SRRM3: variants seen among roughly 807,000 people sequenced by gnomAD.
SRRM3 encodes serine/arginine repetitive matrix 3.
In SRRM3, 27 loss-of-function variants were observed where a neutral mutation model predicts 66.2. That is an observed-to-expected ratio of 0.41 (90% CI 0.30 to 0.56). The LOEUF (loss-of-function observed/expected upper bound fraction) is 0.56, where lower values mean the gene tolerates loss of function less well. SRRM3 is among the 20% of genes least tolerant of loss of function. The probability of loss-of-function intolerance (pLI) is 0.32; values close to 1 mark genes in which losing one functional copy is unlikely to be tolerated. For missense variants in SRRM3, 918 were observed against 991.9 expected, an observed-to-expected ratio of 0.93 and a Z score of 1.00; for synonymous variants, 391 against 414.9, an observed-to-expected ratio of 0.94 and a Z score of 0.70.
At chr7:76,251,532 G>A (rs1420104870) in intron 3 of SRRM3, among the ~76,000 whole-genome samples, 2 of 152,046 alleles carry the variant, frequency 1.3e-5, no homozygotes, top group Non-Finnish European at 2.9e-5. Flanking sequence ...ACGCTGCCAC[G>A]CCCGGCTAAT....
intron 1 of SRRM3, among the ~76,000 whole-genome samples, chr7:76,207,749 C>T (rs544100588): frequency 1.4e-4 from 21 of 151,400 alleles, no homozygotes; most frequent in African/African-American, 4.6e-4. Context: ...TGGTGGTGCA[C>T]GCATGTAGCC....
chr7:76,246,746 G>A (rs1217538973), intron 2 of SRRM3, among the ~76,000 whole-genome samples: 1 of 152,118 alleles, frequency 6.6e-6, no homozygotes, highest in African/African-American at 2.4e-5. Context: ...GAGGCCTCAA[G>A]TGTGACCACC....
rs1554612244 is a variant in SRRM3, at chr7:76,283,036, C to G, written c.1668C>G (p.Ser556Arg). Residue 556 changes from serine to arginine, a missense_variant, in exon 14 of 15, where the codon AGC becomes AGG. Coordinates refer to ENST00000611745, the MANE Select transcript of SRRM3 (RefSeq NM_001110199.3). The part of the protein sequence containing the change: ...EATRARRRSR[S>R]YSPIRKRRRD... Reference sequence around the variant, plus strand: ...CCCGCGCCCGGCGCCGCTCCCGCAGCTACTCGCCCATCCGCAAGCGGCGCC... The same window carrying G: ...CCCGCGCCCGGCGCCGCTCCCGCAGGTACTCGCCCATCCGCAAGCGGCGCC... 5 of 1,493,312 alleles carry G rather than the reference C, an allele frequency of 3.3e-6. No homozygotes were observed. The highest frequency in any genetic ancestry group is 4.4e-6 in the Non-Finnish European group (5 of 1,131,990). 92.5% of individuals were successfully genotyped at this position (1,493,312 alleles called of 1,614,324 possible).
chr7:76,240,995 C>G (rs1554605561), intron 2 of SRRM3, among the ~76,000 whole-genome samples: 1 of 152,088 alleles, frequency 6.6e-6, no homozygotes, highest in Non-Finnish European at 1.5e-5. Context: ...CTCCCAGGTT[C>G]AAGCGATTCG....
At chr7:76,203,111 C>T (rs1375621972) in intron 1 of SRRM3, among the ~76,000 whole-genome samples, 1 of 152,132 alleles carries the variant, frequency 6.6e-6, no homozygotes, top group Non-Finnish European at 1.5e-5. Context: ...AGGTCATGGC[C>T]CCAGTTTGTG....
chr7:76,212,986 C>T (rs1800471817), intron 1 of SRRM3, among the ~76,000 whole-genome samples: 1 of 150,686 alleles, frequency 6.6e-6, no homozygotes, highest in South Asian at 2.1e-4. Flanking sequence ...CTTCCCTGGC[C>T]CACTTTACAC....
intron 2 of SRRM3, among the ~76,000 whole-genome samples, chr7:76,244,523 C>CAAAA (rs10611441): frequency 8.9e-6 from 1 of 112,188 alleles, no homozygotes; most frequent in Non-Finnish European, 1.8e-5. Context: ...GACTCCATCT[C>CAAAA]AAAAAAAAAA....
intron 2 of SRRM3, among the ~76,000 whole-genome samples, chr7:76,242,552 C>T (rs782565916): frequency 3.3e-5 from 5 of 151,774 alleles, no homozygotes; most frequent in Non-Finnish European, 5.9e-5. Context: ...CAGGATGATT[C>T]AAGCACATTG....
At position 76,282,866 on chromosome 7, in the gene SRRM3, T is replaced by C; in HGVS notation, c.1589T>C (p.Leu530Pro). Reference protein sequence around the residue: ...PSRSPSPKKPLSRDKDGEGRA... With the variant: ...PSRSPSPKKPPSRDKDGEGRA... ...CGCTCGCCGTCGCCCAAGAAGCCCC[T>C]CAGCCGGTGAGTGCCCGCCCGGACC... is the stretch of plus-strand genomic sequence containing the variant. The change falls in exon 13 of 15, where the codon CTC becomes CCC. Residue 530 changes from leucine (L) to proline (P), a missense_variant. Physicochemically the swap from Leu to Pro is moderately conservative, Grantham distance 98. Coordinates refer to ENST00000611745, the MANE Select transcript of SRRM3 (RefSeq NM_001110199.3). The C allele has an allele frequency of 6.9e-7, 1 of 1,443,564 alleles. No individual in the cohort carries two copies. Among genetic ancestry groups the C allele is most frequent in the South Asian group, 1.3e-5 (1 of 74,178 alleles). The allele number at this position is 1,443,564 out of a possible 1,614,324, so 89.4% of individuals were successfully genotyped here. A position where few individuals can be genotyped will look rare whatever the true frequency, so the allele number is the denominator to read the frequency against.
chr7:76,285,577 C>T lies in SRRM3; in HGVS notation c.1734-38C>T, dbSNP rs1802641969. 1.3e-6 allele frequency: 2 copies of T among 1,516,416 alleles called. No individual in the cohort carries two copies. The highest frequency in any genetic ancestry group is 2.4e-5 in the South Asian group (2 of 81,748). The allele number at this position is 1,516,416 out of a possible 1,614,324, so 93.9% of individuals were successfully genotyped here. A position where few individuals can be genotyped will look rare whatever the true frequency, so the allele number is the denominator to read the frequency against. ...GCCGCTGCTGGGATGGGGCTCGGGG[C>T]CTGGGATGGCCTGTAATCAGCTTTT... On this transcript the variant is annotated intron_variant, in intron 14 of 14. Coordinates refer to ENST00000611745, the MANE Select transcript of SRRM3 (RefSeq NM_001110199.3). The surrounding 1 kb of genome is among the most constrained non-coding windows in gnomAD (Gnocchi z 4.1).
chr7:76,260,025 G>C lies in SRRM3; in HGVS notation c.455G>C (p.Arg152Pro). Reference protein sequence around the residue: ...DCPASCYRGHRGYRTKHWSSS... With the variant: ...DCPASCYRGHPGYRTKHWSSS... ...CCGGCCTCCTGCTACCGCGGCCACCGCGGGTACAGGTCAGCGGCCGCCGCG... is the reference window on the plus strand; with the variant it reads ...CCGGCCTCCTGCTACCGCGGCCACCCCGGGTACAGGTCAGCGGCCGCCGCG... Residue 152 changes from arginine to proline, a missense_variant, in exon 4 of 15, where the codon CGC becomes CCC. By Grantham distance (103) the Arg-to-Pro change is moderately radical. Coordinates refer to ENST00000611745, the MANE Select transcript of SRRM3 (RefSeq NM_001110199.3). 6.4e-7 allele frequency: 1 copy of C among 1,563,094 alleles called. No individual in the cohort carries two copies. The highest frequency in any genetic ancestry group is 8.6e-7 in the Non-Finnish European group (1 of 1,159,260).
chr7:76,264,820 G>A lies in SRRM3; in HGVS notation c.725+5G>A, dbSNP rs1554609253. Reference sequence around the variant, plus strand: ...GAAGAACAAAGAGAAGAAGAGGTAAGCGCCCTCCCTACTCTCCAGCCCCCC... The same window carrying A: ...GAAGAACAAAGAGAAGAAGAGGTAAACGCCCTCCCTACTCTCCAGCCCCCC... On this transcript the variant is annotated splice_donor_5th_base_variant and intron_variant, in intron 9 of 14. Coordinates refer to ENST00000611745, the MANE Select transcript of SRRM3 (RefSeq NM_001110199.3). The A allele has an allele frequency of 1.2e-6, 2 of 1,613,470 alleles. No homozygotes were observed. The highest frequency in any genetic ancestry group is 1.7e-6 in the Non-Finnish European group (2 of 1,179,804).
At chr7:76,248,835 C>T (rs1349022735) in intron 3 of SRRM3, among the ~76,000 whole-genome samples, 3 of 152,064 alleles carry the variant, frequency 2.0e-5, no homozygotes, top group African/African-American at 7.2e-5. Context: ...GAAAAGTTAT[C>T]CGGGCATAGT....
chr7:76,212,858 C>T (rs890045141), intron 1 of SRRM3, among the ~76,000 whole-genome samples: 4 of 152,050 alleles, frequency 2.6e-5, no homozygotes, highest in Non-Finnish European at 4.4e-5. Flanking sequence ...TGGTTCCCTT[C>T]GCCTGGAATG....
intron 2 of SRRM3, among the ~76,000 whole-genome samples, chr7:76,236,744 A>T (rs1583893838): frequency 6.6e-6 from 1 of 152,328 alleles, no homozygotes; most frequent in East Asian, 1.9e-4. Context: ...CCTCACCCAG[A>T]GGACCAGGTA....
intron 2 of SRRM3, among the ~76,000 whole-genome samples, chr7:76,239,994 T>A (rs1239765599): frequency 4.0e-5 from 6 of 151,138 alleles, no homozygotes; most frequent in Non-Finnish European, 8.9e-5. Flanking sequence ...TGAAACCCCA[T>A]CTCTACTAAA....
chr7:76,235,211 C>T lies in SRRM3; in HGVS notation c.145C>T (p.Arg49Cys), dbSNP rs1554604680. 2 of 1,551,212 alleles carry T rather than the reference C, an allele frequency of 1.3e-6. No individual in the cohort carries two copies. Among genetic ancestry groups the T allele is most frequent in the Non-Finnish European group, 8.6e-7 (1 of 1,156,974 alleles). ...CGCCGCGGAGCCGGGCCTGGTGAAG[C>T]GCGCGCACCGCGAGATCCTGGACCA... Reference protein sequence around the residue: ...LRAAEPGLVKRAHREILDHER... With the variant: ...LRAAEPGLVKCAHREILDHER... The change falls in exon 2 of 15, where the codon CGC becomes TGC. Residue 49 changes from arginine (R) to cysteine (C), a missense_variant. Coordinates refer to ENST00000611745, the MANE Select transcript of SRRM3 (RefSeq NM_001110199.3).
At chr7:76,250,480 C>A (rs1027936681) in intron 3 of SRRM3, among the ~76,000 whole-genome samples, 1 of 152,238 alleles carries the variant, frequency 6.6e-6, no homozygotes, top group Non-Finnish European at 1.5e-5. Context: ...GTGACCCACC[C>A]GCCTCGGCCT....
intron 1 of SRRM3, among the ~76,000 whole-genome samples, chr7:76,210,994 A>G (rs1217039889): frequency 6.6e-6 from 1 of 152,068 alleles, no homozygotes; most frequent in African/African-American, 2.4e-5. Flanking sequence ...GTGTATTTTT[A>G]GTAGAGACAG....
Sources: allele counts gnomAD v4.1 joint callset (sites outside exome capture counted in the v4.1 genomes callset), GRCh38; gene constraint gnomAD v4.1.1; non-coding constraint Gnocchi (gnomAD v3.1); transcripts MANE v1.5; gene names NCBI Gene and HGNC (gene_info 2026-07-23, HGNC 2026-07-21).